DLGAP1: variants seen among roughly 807,000 people sequenced by gnomAD.
DLGAP1 encodes DLG associated protein 1, also known as disks large-associated protein 1.
A neutral mutation model predicts 90.8 loss-of-function variants in DLGAP1; 11 were observed. The ratio of observed to expected loss-of-function variants is 0.12; its 90% confidence interval spans 0.08 to 0.20. The LOEUF is 0.20. Among genes scored for constraint, DLGAP1 ranks in the 10% least tolerant of loss-of-function variants. The pLI is 1.00. For synonymous variants in DLGAP1, 558 were observed against 540.7 expected (o/e 1.03, Z -0.44); for missense variants, 1,050 against 1,333.8 (o/e 0.79, Z 3.31).
intron 7 of DLGAP1, among the ~76,000 whole-genome samples, chr18:3,627,822 C>T (rs1202787253): frequency 6.6e-6 from 1 of 151,458 alleles, no homozygotes; most frequent in Admixed American, 6.6e-5. Flanking sequence ...AATCCCTCCG[C>T]TATTTTTTCT....
At chr18:3,903,070 T>C (rs746664659) in intron 3 of DLGAP1, among the ~76,000 whole-genome samples, 5 of 152,232 alleles carry the variant, frequency 3.3e-5, no homozygotes, top group Non-Finnish European at 4.4e-5. Flanking sequence ...TTTAGCGCCC[T>C]GTACTCTCTT....
intron 5 of DLGAP1, among the ~76,000 whole-genome samples, chr18:3,749,298 G>A (rs2063402831): frequency 6.6e-6 from 1 of 151,890 alleles, no homozygotes; most frequent in African/African-American, 2.4e-5. Flanking sequence ...ACAGGCGGAT[G>A]CCACCACACC....
At chr18:3,785,123 A>G (rs1242893025) in intron 5 of DLGAP1, among the ~76,000 whole-genome samples, 1 of 152,218 alleles carries the variant, frequency 6.6e-6, no homozygotes, top group African/African-American at 2.4e-5. Flanking sequence ...CCACTGATGG[A>G]AGTAGTTTTG....
chr18:3,749,095 T>G (rs188156753), intron 5 of DLGAP1, among the ~76,000 whole-genome samples: 1 of 151,770 alleles, frequency 6.6e-6, no homozygotes, highest in East Asian at 1.9e-4. Context: ...CTATTCTGTC[T>G]TCTCCTTCTC....
chr18:4,239,544 C>T (rs927413627), intron 1 of DLGAP1, among the ~76,000 whole-genome samples: 10 of 151,792 alleles, frequency 6.6e-5, no homozygotes, highest in African/African-American at 2.2e-4. Flanking sequence ...TTCTTTTTTT[C>T]GTATGGAAGT....
At chr18:4,039,222 C>T (rs991282214) in intron 2 of DLGAP1, among the ~76,000 whole-genome samples, 4 of 152,086 alleles carry the variant, frequency 2.6e-5, no homozygotes, top group Non-Finnish European at 4.4e-5. Context: ...AGGGTGGAGA[C>T]GATAGTTTAC....
chr18:4,364,036 G>C (rs1299815197), intron 1 of DLGAP1, among the ~76,000 whole-genome samples: 1 of 151,658 alleles, frequency 6.6e-6, no homozygotes, highest in Non-Finnish European at 1.5e-5. Flanking sequence ...ACTGGATTAA[G>C]AAAATGTGGC....
At chr18:4,369,815 TAAAA>T (rs11387946) in intron 1 of DLGAP1, among the ~76,000 whole-genome samples, 1,553 of 74,636 alleles carry the variant, frequency 0.021, 32 homozygotes, top group South Asian at 0.062. Context: ...AAAGTCTTAG[TAAAA>T]AAAAAAAAAA....
chr18:3,553,626 C>T (rs1000335964), intron 9 of DLGAP1, among the ~76,000 whole-genome samples: 15 of 152,162 alleles, frequency 9.9e-5, no homozygotes, highest in East Asian at 3.9e-4. Flanking sequence ...CTCCGTCTTC[C>T]GGGTTCAAGC....
intron 1 of DLGAP1, among the ~76,000 whole-genome samples, chr18:4,192,282 T>C (rs1028989281): frequency 2.0e-5 from 3 of 152,144 alleles, no homozygotes; most frequent in African/African-American, 7.2e-5. Flanking sequence ...GATGAGCCAG[T>C]TGAGTAAAAG....
chr18:4,200,592 T>C (rs1350590995), intron 1 of DLGAP1, among the ~76,000 whole-genome samples: 1 of 148,234 alleles, frequency 6.7e-6, no homozygotes, highest in Non-Finnish European at 1.5e-5. Context: ...AAATATTTAA[T>C]ACTTTAAAAT....
At chr18:3,919,650 AAGTGATTG>A (rs2072223481) in intron 3 of DLGAP1, among the ~76,000 whole-genome samples, 1 of 152,244 alleles carries the variant, frequency 6.6e-6, no homozygotes, top group Non-Finnish European at 1.5e-5. Flanking sequence ...TAATAGCTAC[AAGTGATTG>A]CATGTTATCA....
At chr18:4,067,507 C>A (rs2075387101) in intron 2 of DLGAP1, among the ~76,000 whole-genome samples, 1 of 152,026 alleles carries the variant, frequency 6.6e-6, no homozygotes, top group African/African-American at 2.4e-5. Flanking sequence ...TTAAAACAGA[C>A]ATCTTGAGAC....
intron 4 of DLGAP1, among the ~76,000 whole-genome samples, chr18:3,851,598 A>T (rs933727375): frequency 5.9e-5 from 9 of 152,192 alleles, no homozygotes; most frequent in Non-Finnish European, 8.8e-5. Context: ...TATGATAAGA[A>T]ATATGGCCTA....
At chr18:3,977,064 A>T (rs1285833077) in intron 3 of DLGAP1, among the ~76,000 whole-genome samples, 1 of 151,970 alleles carries the variant, frequency 6.6e-6, no homozygotes, top group Non-Finnish European at 1.5e-5. Flanking sequence ...GATTCTTCTC[A>T]TTTTATTTAT....
At chr18:3,537,271 C>T (rs80240164) in intron 9 of DLGAP1, among the ~76,000 whole-genome samples, 6,667 of 152,236 alleles carry the variant, frequency 0.044, 479 homozygotes, top group African/African-American at 0.15. Flanking sequence ...TCCTCCTCCC[C>T]CTGGCCCCAG....
Position 4,356,401 on chromosome 18 carries a change from T to C in DLGAP1, c.-267+98605A>G, listed in dbSNP as rs189130671. 1.6e-4 allele frequency among the ~76,000 whole-genome samples: 24 copies of C among 152,292 alleles called. No individual in the cohort carries two copies. The East Asian group carries it at 4.1e-3, about 26-fold the overall frequency. On this transcript the variant is annotated intron_variant, in intron 1 of 12. Transcript: ENST00000315677. ...GATTACCAGTAGGCACCTTAAAATT[T>C]ACATGACCAAAACTGAGCTCCAGAT...
At chr18:3,902,700 A>G (rs1003927478) in intron 3 of DLGAP1, among the ~76,000 whole-genome samples, 4 of 152,232 alleles carry the variant, frequency 2.6e-5, no homozygotes, top group African/African-American at 9.6e-5. Flanking sequence ...TTTAAAGACT[A>G]AAACTAAAAG....
intron 5 of DLGAP1, among the ~76,000 whole-genome samples, chr18:3,795,460 C>CAT (rs2065945733): frequency 6.6e-6 from 1 of 151,822 alleles, no homozygotes; most frequent in Non-Finnish European, 1.5e-5. Flanking sequence ...GGACTACAGG[C>CAT]GCCCACCACC....
Sources: gnomAD v4.1 joint callset for allele counts (sites outside exome capture counted in the v4.1 genomes callset) on GRCh38, gnomAD v4.1.1 for gene constraint, MANE v1.5 for transcripts, NCBI Gene and HGNC (gene_info 2026-07-23, HGNC 2026-07-21) for gene names.